DCLK1: variants seen among roughly 807,000 people sequenced by gnomAD.
DCLK1 encodes the protein doublecortin like kinase 1.
In DCLK1, 16 loss-of-function variants were observed where a neutral mutation model predicts 86.2. That is an observed-to-expected ratio of 0.19 (90% CI 0.13 to 0.28). The LOEUF is 0.28. Ranked by LOEUF, DCLK1 falls within the 10% of genes least tolerant of loss-of-function variation. The pLI is 1.00. For missense variants in DCLK1, 590 were observed against 940.2 expected (o/e 0.63, Z 4.87); for synonymous variants, 369 against 370.5 (o/e 1.00, Z 0.05).
At chr13:36,055,934 C>T (rs1883289287) in intron 3 of DCLK1, among the ~76,000 whole-genome samples, 2 of 152,128 alleles carry the variant, frequency 1.3e-5, no homozygotes, top group South Asian at 2.1e-4. Flanking sequence ...GATGATATCT[C>T]ATAGTGGTTT....
At chr13:36,042,721 A>C (rs369260974) in intron 3 of DCLK1, among the ~76,000 whole-genome samples, 23 of 152,324 alleles carry the variant, frequency 1.5e-4, no homozygotes, top group East Asian at 1.2e-3. Flanking sequence ...GGAGCCACCA[A>C]TATGGTTCTG....
At chr13:35,831,276 C>T (rs1868938479) in intron 8 of DCLK1, among the ~76,000 whole-genome samples, 2 of 152,042 alleles carry the variant, frequency 1.3e-5, no homozygotes, top group South Asian at 4.2e-4. Flanking sequence ...TACAAAGCCA[C>T]ATAATAAAAT....
At chr13:35,806,990 G>A (rs1434237351) in intron 14 of DCLK1, among the ~76,000 whole-genome samples, 1 of 152,118 alleles carries the variant, frequency 6.6e-6, no homozygotes, top group Admixed American at 6.5e-5. Context: ...TCACATTCAG[G>A]ACATGACAAA....
intron 4 of DCLK1, among the ~76,000 whole-genome samples, chr13:35,925,515 G>A (rs1876064592): frequency 6.6e-6 from 1 of 152,144 alleles, no homozygotes; most frequent in African/African-American, 2.4e-5. Context: ...AATCTCTTAA[G>A]AGCATTTTAA....
intron 4 of DCLK1, among the ~76,000 whole-genome samples, chr13:35,913,349 T>G (rs1237795361): frequency 6.6e-6 from 1 of 152,040 alleles, no homozygotes; most frequent in African/African-American, 2.4e-5. Flanking sequence ...AAATACATTT[T>G]CCCCTTAGCA....
At chr13:35,981,932 C>G (rs1419564688) in intron 3 of DCLK1, among the ~76,000 whole-genome samples, 2 of 152,178 alleles carry the variant, frequency 1.3e-5, no homozygotes, top group Non-Finnish European at 2.9e-5. Flanking sequence ...TCCAAATTCT[C>G]CACATCCTTG....
intron 3 of DCLK1, among the ~76,000 whole-genome samples, chr13:35,993,604 G>T (rs1880339309): frequency 6.6e-6 from 1 of 152,064 alleles, no homozygotes; most frequent in Non-Finnish European, 1.5e-5. Flanking sequence ...TACACATTGG[G>T]GGATGAGGAT....
chr13:36,065,588 A>G (rs1472643205), intron 3 of DCLK1, among the ~76,000 whole-genome samples: 1 of 152,214 alleles, frequency 6.6e-6, no homozygotes, highest in Non-Finnish European at 1.5e-5. Context: ...AGTAAATAGT[A>G]GAGGTTTAAA....
intron 4 of DCLK1, among the ~76,000 whole-genome samples, chr13:35,929,006 T>C (rs939695763): frequency 6.6e-6 from 1 of 152,138 alleles, no homozygotes; most frequent in Non-Finnish European, 1.5e-5. Flanking sequence ...CTCAGCTCAC[T>C]GCAAGCTCCG....
chr13:35,796,614 C>T (rs550653350), intron 15 of DCLK1, among the ~76,000 whole-genome samples: 4 of 152,204 alleles, frequency 2.6e-5, no homozygotes, highest in African/African-American at 9.6e-5. Context: ...TTTATTAGTC[C>T]CATTTTGAAC....
intron 3 of DCLK1, among the ~76,000 whole-genome samples, chr13:36,002,424 T>A (rs1880762195): frequency 6.6e-6 from 1 of 152,234 alleles, no homozygotes; most frequent in Non-Finnish European, 1.5e-5. Flanking sequence ...CCCTTACAGC[T>A]AATTTTATCC....
chr13:35,800,341 T>C (rs2086894050), intron 15 of DCLK1, among the ~76,000 whole-genome samples: 1 of 152,192 alleles, frequency 6.6e-6, no homozygotes, highest in African/African-American at 2.4e-5. Flanking sequence ...ATTTCACAGA[T>C]AGGAAAACAG....
chr13:36,125,742 G>A lies in DCLK1; in HGVS notation c.376+20C>T. ...CCTGGAACCTGTAGGGTCACGTGGG[G>A]GTTATCTCACAGCGCTCACCTTCCA... On this transcript the variant is annotated intron_variant, in intron 2 of 16. Transcript: ENST00000360631. The A allele has an allele frequency of 1.9e-6, 3 of 1,602,562 alleles. No individual in the cohort carries two copies. The highest frequency in any genetic ancestry group is 2.6e-6 in the Non-Finnish European group (3 of 1,173,464).
At chr13:35,954,537 T>G (rs1178821640) in intron 3 of DCLK1, among the ~76,000 whole-genome samples, 3 of 152,200 alleles carry the variant, frequency 2.0e-5, no homozygotes, top group Admixed American at 6.5e-5. Context: ...CAATCAGTTT[T>G]ATAGCCAAAT....
At chr13:36,107,405 G>A (rs1403551608) in intron 3 of DCLK1, among the ~76,000 whole-genome samples, 9 of 145,072 alleles carry the variant, frequency 6.2e-5, no homozygotes, top group South Asian at 2.2e-4. Context: ...GTGCAGTGGC[G>A]CGATCTCGAC....
chr13:35,813,225 C>G (rs903083051), intron 11 of DCLK1, among the ~76,000 whole-genome samples: 3 of 152,270 alleles, frequency 2.0e-5, no homozygotes, highest in Admixed American at 1.3e-4. Flanking sequence ...CTGCTAGGTC[C>G]AAACATTCAT....
At chr13:35,909,470 T>G (rs1462613010) in intron 4 of DCLK1, among the ~76,000 whole-genome samples, 1 of 152,088 alleles carries the variant, frequency 6.6e-6, no homozygotes, top group East Asian at 1.9e-4. Flanking sequence ...GACTTCCTCA[T>G]CTGCTAGGTG....
chr13:35,909,362 C>G (rs1055433984), intron 4 of DCLK1, among the ~76,000 whole-genome samples: 1 of 152,162 alleles, frequency 6.6e-6, no homozygotes, highest in African/African-American at 2.4e-5. Flanking sequence ...ATGTGACACA[C>G]GCAAACATTA....
At chr13:36,033,396 C>T (rs1202233098) in intron 3 of DCLK1, among the ~76,000 whole-genome samples, 1 of 152,054 alleles carries the variant, frequency 6.6e-6, no homozygotes, top group Non-Finnish European at 1.5e-5. Flanking sequence ...AGGTAATAGG[C>T]AGATTAAAAT....
Sources: allele counts gnomAD v4.1 joint callset (sites outside exome capture counted in the v4.1 genomes callset), GRCh38; gene constraint gnomAD v4.1.1; transcripts MANE v1.5; gene names NCBI Gene and HGNC (gene_info 2026-07-23, HGNC 2026-07-21).